The following KIF26B variants were observed in gnomAD, a reference collection of about 807,000 sequenced individuals.
KIF26B encodes the protein kinesin-like protein KIF26B.
In KIF26B, 63 loss-of-function variants were observed where a neutral mutation model predicts 151.2. That is an observed-to-expected ratio of 0.42 (90% CI 0.34 to 0.51). KIF26B has a LOEUF of 0.51. KIF26B is among the 20% of genes least tolerant of loss of function. The pLI is 0.07. For synonymous variants in KIF26B, 1,357 were observed against 1,262.1 expected, an observed-to-expected ratio of 1.08 and a Z score of -1.59; for missense variants, 2,813 against 2,913.6, an observed-to-expected ratio of 0.97 and a Z score of 0.79.
chr1:245,179,852 A>G (rs973962889), intron 2 of KIF26B, among the ~76,000 whole-genome samples: 22 of 152,310 alleles, frequency 1.4e-4, no homozygotes, highest in Non-Finnish European at 2.9e-4. Flanking sequence ...GAGGGTGGAC[A>G]GGATGTTCTG....
chr1:245,405,726 G>A (rs1169515679), intron 3 of KIF26B, among the ~76,000 whole-genome samples: 1 of 151,888 alleles, frequency 6.6e-6, no homozygotes, highest in Non-Finnish European at 1.5e-5. Context: ...TTGGGCTTCT[G>A]TGTCTTCATG....
chr1:245,176,585 C>T (rs1340473081), intron 2 of KIF26B, among the ~76,000 whole-genome samples: 2 of 152,060 alleles, frequency 1.3e-5, no homozygotes, highest in Non-Finnish European at 2.9e-5. Context: ...CACGTGTGAG[C>T]CACTCCCCAC....
intron 5 of KIF26B, among the ~76,000 whole-genome samples, chr1:245,591,481 C>T (rs187683807): frequency 1.5e-4 from 23 of 152,296 alleles, no homozygotes; most frequent in East Asian, 5.8e-4. Context: ...GTTAAACACT[C>T]GTGCATGGAC....
intron 2 of KIF26B, among the ~76,000 whole-genome samples, chr1:245,233,152 G>A (rs996959149): frequency 3.9e-5 from 6 of 152,152 alleles, no homozygotes; most frequent in African/African-American, 1.4e-4. Context: ...CAATGTATGA[G>A]GCTCTGGGCA....
intron 3 of KIF26B, among the ~76,000 whole-genome samples, chr1:245,390,939 AAAAAAAAAAAAAAC>A (rs1267936211): frequency 7.6e-6 from 1 of 132,138 alleles, no homozygotes; most frequent in Non-Finnish European, 1.5e-5. Flanking sequence ...AAAAAAAAAA[AAAAAAAAAAAAAAC>A]CACCATAAAA....
At chr1:245,398,637 G>A (rs1439235778) in intron 3 of KIF26B, among the ~76,000 whole-genome samples, 1 of 152,060 alleles carries the variant, frequency 6.6e-6, no homozygotes, top group Non-Finnish European at 1.5e-5. Flanking sequence ...TCATCACTCT[G>A]CATTTTCTAC....
chr1:245,672,123 G>C (rs964641794), intron 10 of KIF26B, among the ~76,000 whole-genome samples: 44 of 152,102 alleles, frequency 2.9e-4, no homozygotes, highest in African/African-American at 1.0e-3. Flanking sequence ...GCCCTGAGGG[G>C]AATAACAGTC....
intron 2 of KIF26B, among the ~76,000 whole-genome samples, chr1:245,258,515 C>T (rs1670580217): frequency 6.6e-6 from 1 of 152,130 alleles, no homozygotes; most frequent in Non-Finnish European, 1.5e-5. Flanking sequence ...TCCTGGCTAA[C>T]CTGCAAAAAT....
chr1:245,678,014 T>G (rs73125141), intron 10 of KIF26B, among the ~76,000 whole-genome samples: 3,000 of 152,244 alleles, frequency 0.02, 89 homozygotes, highest in African/African-American at 0.069. Context: ...GGATGATGGC[T>G]TGGGACCCTG....
At position 245,419,661 on chromosome 1, in the gene KIF26B, C is replaced by T. The variant is rs766106134; in HGVS notation, c.1082C>T (p.Ala361Val). The T allele has an allele frequency of 1.2e-6, 2 of 1,613,878 alleles. No homozygotes were observed. Among genetic ancestry groups the T allele is most frequent in the Non-Finnish European group, 1.7e-6 (2 of 1,179,786 alleles). The change falls in exon 4 of 15, where the codon GCC becomes GTC. Residue 361 changes from alanine (A) to valine (V), a missense_variant. Ala to Val is a moderately conservative substitution (Grantham distance 64, BLOSUM62 0). Coordinates refer to ENST00000407071, the MANE Select transcript of KIF26B (RefSeq NM_018012.4). Reference protein sequence around the residue: ...LNRYNADKPSACSVPASQGSC... With the variant: ...LNRYNADKPSVCSVPASQGSC... ...CGCTACAATGCAGACAAGCCTTCCGCCTGCAGTGTCCCAGCCTCGCAGGGC... is the reference window on the plus strand; with the variant it reads ...CGCTACAATGCAGACAAGCCTTCCGTCTGCAGTGTCCCAGCCTCGCAGGGC...
At chr1:245,620,110 G>T (rs2043642037) in intron 9 of KIF26B, among the ~76,000 whole-genome samples, 1 of 151,898 alleles carries the variant, frequency 6.6e-6, no homozygotes, top group Admixed American at 6.6e-5. Flanking sequence ...TATAGAAAAT[G>T]ATGTATTCAT....
At chr1:245,335,850 C>T (rs529687680) in intron 2 of KIF26B, among the ~76,000 whole-genome samples, 47 of 134,260 alleles carry the variant, frequency 3.5e-4, no homozygotes, top group African/African-American at 1.2e-3. Context: ...AGGAGTCCCA[C>T]GAAGGGAAAG....
intron 5 of KIF26B, among the ~76,000 whole-genome samples, chr1:245,568,386 A>G (rs908943605): frequency 7.9e-5 from 12 of 151,614 alleles, no homozygotes; most frequent in African/African-American, 2.9e-4. Flanking sequence ...GTGGTGGTGC[A>G]TGCCTGTAGT....
At chr1:245,343,706 A>G (rs898975006) in intron 2 of KIF26B, among the ~76,000 whole-genome samples, 9 of 152,346 alleles carry the variant, frequency 5.9e-5, no homozygotes, top group African/African-American at 2.2e-4. Context: ...ACAGGCCAGA[A>G]AAATTGCAAG....
intron 9 of KIF26B, among the ~76,000 whole-genome samples, chr1:245,617,000 C>T (rs111650370): frequency 1.2e-4 from 18 of 152,268 alleles, no homozygotes; most frequent in African/African-American, 2.4e-4. Context: ...CTGCTGTGTG[C>T]GCACACAAAT....
At chr1:245,435,013 A>ATCCT (rs1398731273) in intron 4 of KIF26B, among the ~76,000 whole-genome samples, 6 of 149,014 alleles carry the variant, frequency 4.0e-5, no homozygotes, top group Non-Finnish European at 7.5e-5. Flanking sequence ...CCATCCATCC[A>ATCCT]TCCATCTCTC....
intron 4 of KIF26B, among the ~76,000 whole-genome samples, chr1:245,515,430 G>A (rs1660939541): frequency 6.6e-6 from 1 of 152,160 alleles, no homozygotes; most frequent in African/African-American, 2.4e-5. Context: ...CTCAATGAAT[G>A]TTTCCCGAAC....
At chr1:245,608,846 G>A (rs2043485980) in intron 7 of KIF26B, among the ~76,000 whole-genome samples, 1 of 151,934 alleles carries the variant, frequency 6.6e-6, no homozygotes, top group South Asian at 2.1e-4. Flanking sequence ...CCAATTCCTG[G>A]GCTCAAGTGA....
At chr1:245,513,927 C>T (rs1470269586) in intron 4 of KIF26B, among the ~76,000 whole-genome samples, 3 of 152,190 alleles carry the variant, frequency 2.0e-5, no homozygotes, top group Non-Finnish European at 2.9e-5. Context: ...CTCTCAAGCT[C>T]CTGGTGAGTT....
Sources: gnomAD v4.1 joint callset for allele counts (sites outside exome capture counted in the v4.1 genomes callset) on GRCh38, gnomAD v4.1.1 for gene constraint, MANE v1.5 for transcripts, NCBI Gene and HGNC (gene_info 2026-07-23, HGNC 2026-07-21) for gene names.